SFXN5: variants seen among roughly 807,000 people sequenced by gnomAD.
SFXN5 encodes sideroflexin-5.
In SFXN5, 43 loss-of-function variants were observed where a neutral mutation model predicts 50.2. The ratio of observed to expected loss-of-function variants is 0.86; its 90% confidence interval spans 0.67 to 1.11. The LOEUF (loss-of-function observed/expected upper bound fraction) is 1.11. Ranked by LOEUF, SFXN5 falls within the 50% of genes least tolerant of loss-of-function variation. The pLI is 0.00. For synonymous variants in SFXN5, 203 were observed against 185.8 expected, an observed-to-expected ratio of 1.09 and a Z score of -0.75; for missense variants, 463 against 454.1, an observed-to-expected ratio of 1.02 and a Z score of -0.18.
rs147165874 is a variant in SFXN5, at chr2:72,976,628, C to T, written c.626-4943G>A. On this transcript the variant is annotated intron_variant, in intron 10 of 13. Coordinates refer to ENST00000272433, the MANE Select transcript of SFXN5 (RefSeq NM_144579.3). ...TGGCCACGATGCTGTGTTTAACAAC[C>T]AATGCCCAAAAAAGAACAAGAAAAT... Among the ~76,000 whole-genome samples the T allele has an allele frequency of 1.4e-4, 21 of 152,220 alleles. 1 individual carries two copies. The East Asian group carries it at 2.9e-3, about 21-fold the overall frequency.
At position 72,961,376 on chromosome 2, in the gene SFXN5, A is replaced by C. The variant is rs1252347438; in HGVS notation, c.828-128T>G. The C allele has an allele frequency of 8.8e-6, 5 of 566,512 alleles. No individual in the cohort carries two copies. In the South Asian group the frequency reaches 9.7e-5, roughly 11 times the overall value. 35.1% of individuals were successfully genotyped at this position (566,512 alleles called of 1,614,324 possible). A position where few individuals can be genotyped will look rare whatever the true frequency, so the allele number is the denominator to read the frequency against. ...TGGTTCCGGGGCAGTGCCAGTGTGC[A>C]GCTAAACAGATATAGCAGAGTTCTG... On this transcript the variant is annotated intron_variant, in intron 12 of 13. Transcript: ENST00000272433. This position sits in a 1 kb window ranked among gnomAD's most constrained non-coding sequence, Gnocchi z 4.4.
At chr2:73,053,754 G>A (rs1681704680) in intron 2 of SFXN5, among the ~76,000 whole-genome samples, 1 of 152,016 alleles carries the variant, frequency 6.6e-6, no homozygotes, top group Admixed American at 6.6e-5. Context: ...TTCTACTTCT[G>A]GACCCCCCAG....
At chr2:73,000,337 G>T in intron 8 of SFXN5, 94 bp downstream of exon 8, 1 of 1,225,004 alleles carries the variant, frequency 8.2e-7, no homozygotes. Flanking sequence ...TAACCAAGAG[G>T]CAGCCACTGA....
chr2:73,063,683 C>T (rs1378441475), intron 1 of SFXN5, among the ~76,000 whole-genome samples: 2 of 152,220 alleles, frequency 1.3e-5, no homozygotes, highest in East Asian at 1.9e-4. Context: ...CAGCAAAGTT[C>T]CTGGCAGTCT....
intron 8 of SFXN5, among the ~76,000 whole-genome samples, chr2:72,999,759 G>T (rs1170124324): frequency 1.3e-5 from 2 of 152,126 alleles, no homozygotes; most frequent in Admixed American, 6.5e-5. Flanking sequence ...CAAATGTTAG[G>T]ACTCTCCTCT....
chr2:73,026,853 C>G (rs1222855279), intron 3 of SFXN5, among the ~76,000 whole-genome samples: 1 of 152,026 alleles, frequency 6.6e-6, no homozygotes, highest in Non-Finnish European at 1.5e-5. Context: ...CTCAGCCTCC[C>G]GAGTAGCTGG....
At chr2:73,004,221 G>A (rs554180073) in intron 6 of SFXN5, among the ~76,000 whole-genome samples, 2 of 151,888 alleles carry the variant, frequency 1.3e-5, no homozygotes, top group South Asian at 4.2e-4. Flanking sequence ...GATCCAATCA[G>A]CACTCTGCAT....
At chr2:73,022,706 G>A in intron 4 of SFXN5, 130 bp from the exon 5 acceptor site, 1 of 683,164 alleles carries the variant, frequency 1.5e-6, no homozygotes, top group Non-Finnish European at 2.6e-6. Context: ...AACTTCTCTG[G>A]GAAGATTCAG....
intron 10 of SFXN5, among the ~76,000 whole-genome samples, chr2:72,978,004 G>GA (rs60752756): frequency 1.3e-3 from 168 of 127,470 alleles, no homozygotes; most frequent in South Asian, 1.5e-3. Flanking sequence ...AAAGAATAAG[G>GA]AAAAAAAAAA....
Position 73,047,283 on chromosome 2 carries a change from T to TATATATATATATATATATATACACAC in SFXN5, c.172-6353_172-6352insGTGTGTATATATATATATATATATAT, listed in dbSNP as rs1325442108. Among the ~76,000 whole-genome samples the TATATATATATATATATATATACACAC allele has an allele frequency of 5.7e-3, 421 of 73,348 alleles. 14 individuals are homozygous for TATATATATATATATATATATACACAC. Among genetic ancestry groups the TATATATATATATATATATATACACAC allele is most frequent in the Admixed American group, 0.02 (111 of 5,596 alleles). 48.1% of individuals were successfully genotyped at this position (73,348 alleles called of 152,430 possible). A position where few individuals can be genotyped will look rare whatever the true frequency, so the allele number is the denominator to read the frequency against. ...ATATATATATATATATATACACACA[T>TATATATATATATATATATATACACAC]ATATATATATATATAAAATATATAT... is the stretch of plus-strand genomic sequence containing the variant. On this transcript the variant is annotated intron_variant, in intron 2 of 13. Coordinates refer to ENST00000272433, the MANE Select transcript of SFXN5 (RefSeq NM_144579.3).
chr2:73,015,897 C>T (rs1676083324), intron 6 of SFXN5, among the ~76,000 whole-genome samples: 1 of 150,442 alleles, frequency 6.6e-6, no homozygotes, highest in South Asian at 2.1e-4. Flanking sequence ...ATGATCGCAT[C>T]ACTGCACTCC....
At position 73,001,527 on chromosome 2, in the gene SFXN5, G is replaced by A; in HGVS notation, c.409C>T (p.Gln137Ter). The A allele has an allele frequency of 6.2e-7, 1 of 1,614,160 alleles. No homozygotes were observed. Among genetic ancestry groups the A allele is most frequent in the Non-Finnish European group, 8.5e-7 (1 of 1,179,994 alleles). Residue 137 changes from glutamine (Q) to a stop codon, truncating the protein, a stop_gained and splice_region_variant, in exon 7 of 14, where the codon CAG (glutamine) becomes TAG (stop). Transcript: ENST00000272433. LOFTEE classifies it high-confidence loss of function. Reference sequence around the variant, plus strand: ...CCTGTTTGCTGCGAGACTGTTACCTGCCAGAAGACAGTGGATGCCAGTGTC... The same window carrying A: ...CCTGTTTGCTGCGAGACTGTTACCTACCAGAAGACAGTGGATGCCAGTGTC... ...NQTLASTVFW[Q>*]WLNQSHNACV...
intron 9 of SFXN5, 122 bp downstream of exon 9, chr2:72,998,827 A>T: frequency 9.2e-7 from 1 of 1,090,806 alleles, no homozygotes; most frequent in Admixed American, 2.1e-5. Flanking sequence ...TCCTCCACCC[A>T]CAGAAACCTG....
At chr2:73,045,473 G>T (rs1251705749) in intron 2 of SFXN5, among the ~76,000 whole-genome samples, 1 of 152,078 alleles carries the variant, frequency 6.6e-6, no homozygotes, top group African/African-American at 2.4e-5. Flanking sequence ...CTGAAACATG[G>T]GCCATTTCAG....
rs1430845045 is a variant in SFXN5 at position 72,992,764 on chromosome 2, G to T, written c.535-4416C>A. ...AACCAGGCCCCCTGTTTCCACTCTT[G>T]CCCCCATCCATCTGCTCTCTACAGC... On this transcript the variant is annotated intron_variant, in intron 9 of 13. Transcript: ENST00000272433. The surrounding 1 kb of genome is among the most constrained non-coding windows in gnomAD (Gnocchi z 4.5). Among the ~76,000 whole-genome samples the T allele has an allele frequency of 6.6e-6, 1 of 152,184 alleles. No homozygotes were observed. Among genetic ancestry groups the T allele is most frequent in the Non-Finnish European group, 1.5e-5 (1 of 68,048 alleles).
chr2:73,020,342 G>C (rs1313805512), intron 5 of SFXN5, 78 bp from the exon 6 acceptor site: 12 of 1,464,834 alleles, frequency 8.2e-6, no homozygotes, highest in South Asian at 1.2e-5. Context: ...CTCCGGGTTA[G>C]GTCTTAGGCT....
At chr2:73,015,179 T>C (rs1424920561) in intron 6 of SFXN5, among the ~76,000 whole-genome samples, 2 of 152,198 alleles carry the variant, frequency 1.3e-5, no homozygotes, top group Non-Finnish European at 2.9e-5. Flanking sequence ...AATTGAGTTA[T>C]GTTTTATTTT....
chr2:73,058,174 T>TA, intron 2 of SFXN5: 1 of 175,568 alleles, frequency 5.7e-6, no homozygotes, highest in Non-Finnish European at 1.2e-5. Flanking sequence ...TTTTTCTACT[T>TA]AAACATATTT....
chr2:73,006,430 T>C (rs975113358), intron 6 of SFXN5, among the ~76,000 whole-genome samples: 1 of 152,182 alleles, frequency 6.6e-6, no homozygotes, highest in African/African-American at 2.4e-5. Context: ...GAGACCAGCC[T>C]GGCCAACGTG....
Sources: allele counts gnomAD v4.1 joint callset (sites outside exome capture counted in the v4.1 genomes callset), GRCh38; gene constraint gnomAD v4.1.1; non-coding constraint Gnocchi (gnomAD v3.1); transcripts MANE v1.5; gene names NCBI Gene and HGNC (gene_info 2026-07-23, HGNC 2026-07-21).